The following SCN11A variants were observed in gnomAD, a reference collection of about 807,000 sequenced individuals.
The protein encoded by SCN11A is sodium voltage-gated channel alpha subunit 11.
Under a neutral mutation model 162.2 loss-of-function variants are expected in SCN11A, and 122 were observed. The ratio of observed to expected loss-of-function variants is 0.75; its 90% CI spans 0.65 to 0.87. SCN11A has a LOEUF of 0.87. Ranked by LOEUF, SCN11A falls within the 40% of genes least tolerant of loss-of-function variation. The pLI, the probability that SCN11A is intolerant of heterozygous loss-of-function variation, is 0.00. For synonymous variants in SCN11A, 758 were observed against 751.5 expected, an observed-to-expected ratio of 1.01 and a Z score of -0.14; for missense variants, 2,015 against 2,181.6, an observed-to-expected ratio of 0.92 and a Z score of 1.52.
rs777583939 is a variant in SCN11A, at chr3:38,900,077, G to C, written c.1843-4C>G. 6.2e-7 allele frequency: 1 copy of C among 1,613,006 alleles called. No individual in the cohort carries two copies. The highest frequency in any genetic ancestry group is 8.5e-7 in the Non-Finnish European group (1 of 1,179,140). On this transcript the variant is annotated splice_region_variant and splice_polypyrimidine_tract_variant and intron_variant, in intron 16 of 29. Transcript: ENST00000302328. ...CTATAAAAATGCTAGTGAAAACCTA[G>C]AGTGGGACAAAGAAGAATGAGAGAA...
intron 20 of SCN11A, 48 bp downstream of exon 20, chr3:38,886,077 T>C: frequency 1.7e-6 from 2 of 1,167,856 alleles, no homozygotes; most frequent in Non-Finnish European, 2.6e-6. Context: ...CTGGAGAAGG[T>C]GTGTGGATGA....
At position 38,897,124 on chromosome 3, in the gene SCN11A, C is replaced by T. The variant is rs745309562; in HGVS notation, c.2124G>A (p.Leu708=). The change falls in exon 18 of 30, where the codon CTG becomes CTA. Residue 708 remains leucine (L), a synonymous_variant. Transcript: ENST00000302328. Reference sequence around the variant, plus strand: ...CTGAGAAAATAAAGATCACAATGACCAGGACCACAGTCAGGCTTCCAAGGG... The same window carrying T: ...CTGAGAAAATAAAGATCACAATGACTAGGACCACAGTCAGGCTTCCAAGGG... ...VGALGSLTVV[L]VIVIFIFSVV... 2 of 1,613,972 alleles carry T rather than the reference C, an allele frequency of 1.2e-6. No individual in the cohort carries two copies. Among genetic ancestry groups the T allele is most frequent in the Non-Finnish European group, 1.7e-6 (2 of 1,180,022 alleles).
At chr3:38,943,448 T>C (rs2066470494) in intron 7 of SCN11A, among the ~76,000 whole-genome samples, 1 of 152,230 alleles carries the variant, frequency 6.6e-6, no homozygotes, top group African/African-American at 2.4e-5. Context: ...GTCTCATTTA[T>C]TCAATTTGCA....
chr3:38,969,835 T>C (rs1358329371), intron 2 of SCN11A, among the ~76,000 whole-genome samples: 2 of 152,240 alleles, frequency 1.3e-5, no homozygotes, highest in Non-Finnish European at 2.9e-5. Context: ...AGTTAACTGC[T>C]TAATGCCAAA....
chr3:38,926,375 G>A (rs762614129), intron 8 of SCN11A, among the ~76,000 whole-genome samples: 1 of 151,974 alleles, frequency 6.6e-6, no homozygotes, highest in African/African-American at 2.4e-5. Flanking sequence ...TTCTCTGACA[G>A]CTTAATACAT....
intron 2 of SCN11A, among the ~76,000 whole-genome samples, chr3:39,024,204 A>C (rs1180997775): frequency 6.6e-6 from 1 of 152,216 alleles, no homozygotes; most frequent in Non-Finnish European, 1.5e-5. Context: ...GTTTGTTTTT[A>C]TGTTTAGGTT....
At chr3:38,856,546 C>T (rs969196616) in intron 28 of SCN11A, among the ~76,000 whole-genome samples, 2 of 152,036 alleles carry the variant, frequency 1.3e-5, no homozygotes, top group African/African-American at 2.4e-5. Flanking sequence ...AAAACCTCAG[C>T]GCATCTAACT....
At chr3:38,858,224 A>G (rs1437119271) in intron 28 of SCN11A, among the ~76,000 whole-genome samples, 2 of 152,176 alleles carry the variant, frequency 1.3e-5, no homozygotes, top group East Asian at 1.9e-4. Context: ...TTTAAAAGAC[A>G]TAGAATTGTA....
chr3:38,956,721 A>T (rs1411139203), intron 3 of SCN11A, among the ~76,000 whole-genome samples: 1 of 152,192 alleles, frequency 6.6e-6, no homozygotes, highest in Admixed American at 6.5e-5. Context: ...CATCCTAAAG[A>T]TAAAGCAGAA....
chr3:39,039,032 AT>A (rs570812600), intron 1 of SCN11A, among the ~76,000 whole-genome samples: 1 of 151,842 alleles, frequency 6.6e-6, no homozygotes, highest in Non-Finnish European at 1.5e-5. Flanking sequence ...CAGCAGAACT[AT>A]TTTTTTTGCT....
chr3:39,013,070 G>A (rs559305079), intron 2 of SCN11A, among the ~76,000 whole-genome samples: 85 of 152,092 alleles, frequency 5.6e-4, no homozygotes, highest in African/African-American at 2.0e-3. Context: ...GCTATTAGAG[G>A]TTCCTGAAAA....
chr3:38,999,366 C>T (rs937263304), intron 2 of SCN11A, among the ~76,000 whole-genome samples: 34 of 152,122 alleles, frequency 2.2e-4, no homozygotes, highest in Non-Finnish European at 1.0e-4. Flanking sequence ...ATATGGCATC[C>T]ATCATTTCTC....
intron 1 of SCN11A, among the ~76,000 whole-genome samples, chr3:39,043,230 T>G (rs1466809484): frequency 6.6e-6 from 1 of 152,132 alleles, no homozygotes; most frequent in African/African-American, 2.4e-5. Context: ...AAGGCACATT[T>G]GTACAACCAT....
intron 2 of SCN11A, among the ~76,000 whole-genome samples, chr3:38,989,733 T>A (rs977604084): frequency 4.6e-5 from 7 of 152,200 alleles, no homozygotes; most frequent in African/African-American, 1.4e-4. Context: ...AATTAGTGAG[T>A]AATTCCACAT....
At chr3:38,967,658 C>T (rs146319760) in intron 2 of SCN11A, among the ~76,000 whole-genome samples, 2 of 152,196 alleles carry the variant, frequency 1.3e-5, no homozygotes, top group Non-Finnish European at 2.9e-5. Context: ...TGCAAGGGAA[C>T]TGTCCACCAC....
intron 2 of SCN11A, among the ~76,000 whole-genome samples, chr3:39,018,469 T>C (rs2031355362): frequency 6.6e-6 from 1 of 152,204 alleles, no homozygotes; most frequent in Non-Finnish European, 1.5e-5. Flanking sequence ...TTCACCTCCT[T>C]TGTTTCCTGT....
chr3:39,023,517 G>C lies in SCN11A; in HGVS notation c.-280+8863C>G, dbSNP rs150507257. Among the ~76,000 whole-genome samples the C allele has an allele frequency of 8.8e-4, 134 of 151,924 alleles. 1 individual carries two copies. The highest frequency in any genetic ancestry group is 3.2e-3 in the African/African-American group (132 of 41,430). ...ATTGCTTTATTATTTGTCAAAGTAGGTTTATAAAAAATACCCTTTTCTCTT... is the reference window on the plus strand; with the variant it reads ...ATTGCTTTATTATTTGTCAAAGTAGCTTTATAAAAAATACCCTTTTCTCTT... On this transcript the variant is annotated intron_variant, in intron 2 of 29. Coordinates refer to ENST00000302328, the MANE Select transcript of SCN11A (RefSeq NM_001349253.2).
intron 22 of SCN11A, among the ~76,000 whole-genome samples, chr3:38,880,545 G>A (rs1324111553): frequency 1.3e-5 from 2 of 152,110 alleles, no homozygotes; most frequent in East Asian, 1.9e-4. Flanking sequence ...TCTCTTTATT[G>A]CTTATAACAT....
intron 2 of SCN11A, among the ~76,000 whole-genome samples, chr3:39,013,065 T>C (rs542306662): frequency 2.0e-5 from 3 of 152,326 alleles, no homozygotes; most frequent in Non-Finnish European, 4.4e-5. Context: ...GAGCTGCTAT[T>C]AGAGGTTCCT....
Sources: gnomAD v4.1 joint callset for allele counts (sites outside exome capture counted in the v4.1 genomes callset) on GRCh38, gnomAD v4.1.1 for gene constraint, MANE v1.5 for transcripts, NCBI Gene and HGNC (gene_info 2026-07-23, HGNC 2026-07-21) for gene names.